CADM1: variants seen among roughly 807,000 people sequenced by gnomAD.
CADM1 encodes the protein cell adhesion molecule 1, also known as TSLC-1.
A neutral mutation model predicts 53.1 loss-of-function variants in CADM1; 15 were observed. The observed-to-expected ratio is 0.28, with a 90% CI of 0.19 to 0.44. The LOEUF (loss-of-function observed/expected upper bound fraction) is 0.44. CADM1 is among the 20% of genes least tolerant of loss of function. CADM1 has a pLI of 1.00. For missense variants in CADM1, 434 were observed against 611.3 expected, an observed-to-expected ratio of 0.71 and a Z score of 3.06; for synonymous variants, 281 against 243.0, an observed-to-expected ratio of 1.16 and a Z score of -1.45.
At chr11:115,191,463 A>C (rs1171373813) in intron 9 of CADM1, among the ~76,000 whole-genome samples, 1 of 152,236 alleles carries the variant, frequency 6.6e-6, no homozygotes, top group Non-Finnish European at 1.5e-5. Flanking sequence ...CTTCATCAGA[A>C]AATCTGATTC....
chr11:115,466,852 C>T (rs529182422), intron 1 of CADM1, among the ~76,000 whole-genome samples: 5 of 152,076 alleles, frequency 3.3e-5, no homozygotes, highest in Non-Finnish European at 7.4e-5. Flanking sequence ...TCAATTGAAT[C>T]GTAGGTCTCA....
chr11:115,455,419 A>G (rs1471054490), intron 1 of CADM1, among the ~76,000 whole-genome samples: 3 of 148,642 alleles, frequency 2.0e-5, no homozygotes, highest in Non-Finnish European at 4.5e-5. Flanking sequence ...ATATATATAG[A>G]GAGAGAGAGA....
chr11:115,337,360 C>T (rs964583992), intron 1 of CADM1, among the ~76,000 whole-genome samples: 2 of 152,120 alleles, frequency 1.3e-5, no homozygotes, highest in Non-Finnish European at 2.9e-5. Flanking sequence ...GTCTTCCAAA[C>T]TTACCAACTT....
At chr11:115,372,974 C>T (rs1289987930) in intron 1 of CADM1, among the ~76,000 whole-genome samples, 1 of 152,106 alleles carries the variant, frequency 6.6e-6, no homozygotes, top group African/African-American at 2.4e-5. Flanking sequence ...AACATTTCTG[C>T]CTAAGAGGAA....
At chr11:115,209,484 A>G (rs552706789) in intron 8 of CADM1, 90 bp downstream of exon 8, 25 of 1,582,230 alleles carry the variant, frequency 1.6e-5, no homozygotes, top group Admixed American at 5.1e-5. Flanking sequence ...AATTCCAAGG[A>G]TTTAAAGGGA....
chr11:115,372,186 T>C (rs1946325465), intron 1 of CADM1, among the ~76,000 whole-genome samples: 1 of 152,244 alleles, frequency 6.6e-6, no homozygotes, highest in South Asian at 2.1e-4. Context: ...TGCAAATTCA[T>C]GTGCTTTCTT....
intron 3 of CADM1, among the ~76,000 whole-genome samples, chr11:115,234,893 C>CCAA (rs1491516911): frequency 1.3e-4 from 10 of 75,398 alleles, no homozygotes; most frequent in African/African-American, 5.3e-4. Context: ...ACTCCGTCTC[C>CCAA]AAAAAAAAAA....
intron 1 of CADM1, among the ~76,000 whole-genome samples, chr11:115,500,899 G>C (rs1007356492): frequency 5.3e-5 from 8 of 152,184 alleles, no homozygotes; most frequent in African/African-American, 1.9e-4. Flanking sequence ...AGAATATGAA[G>C]TCAGGAAGTG....
chr11:115,451,438 T>C (rs972145063), intron 1 of CADM1, among the ~76,000 whole-genome samples: 3 of 152,214 alleles, frequency 2.0e-5, no homozygotes, highest in Non-Finnish European at 4.4e-5. Flanking sequence ...TTTCCCCTTC[T>C]TGATTATCCT....
intron 1 of CADM1, among the ~76,000 whole-genome samples, chr11:115,321,436 C>G (rs1944822671): frequency 6.6e-6 from 1 of 152,136 alleles, no homozygotes; most frequent in Admixed American, 6.6e-5. Context: ...AACCTGACAT[C>G]AATTCAGTAT....
At chr11:115,256,994 G>T (rs752277216) in intron 1 of CADM1, 8 of 422,956 alleles carry the variant, frequency 1.9e-5, no homozygotes, top group South Asian at 1.3e-4. Flanking sequence ...TTTAGAGTGT[G>T]AATTACGTAC....
intron 11 of CADM1, among the ~76,000 whole-genome samples, 198 bp downstream of exon 11, chr11:115,178,446 A>G (rs1049731676): frequency 6.6e-6 from 1 of 151,916 alleles, no homozygotes; most frequent in Admixed American, 6.6e-5. Context: ...ATCAACTCCC[A>G]GAGTCCTAAT....
rs544966461 is a variant in CADM1 at position 115,278,981 on chromosome 11, A to G, written c.125-38561T>C. On this transcript the variant is annotated intron_variant, in intron 1 of 11. Coordinates refer to ENST00000331581, the MANE Select transcript of CADM1 (RefSeq NM_001301043.2). ...AGGACGTGGGCAGGGAAAAGTAGATAATGTGTTCCACTAGCTGGATGGTGT... is the reference window on the plus strand; with the variant it reads ...AGGACGTGGGCAGGGAAAAGTAGATGATGTGTTCCACTAGCTGGATGGTGT... Among the ~76,000 whole-genome samples the G allele has an allele frequency of 9.1e-4, 138 of 152,254 alleles. 3 individuals carry two copies. In the South Asian group the frequency reaches 0.028, roughly 31 times the overall value.
chr11:115,231,861 C>T (rs1941826790), intron 3 of CADM1, among the ~76,000 whole-genome samples: 1 of 152,118 alleles, frequency 6.6e-6, no homozygotes. Flanking sequence ...CGGCACATGC[C>T]TGTAATCCCA....
intron 1 of CADM1, among the ~76,000 whole-genome samples, chr11:115,327,537 A>AC: frequency 6.6e-6 from 1 of 152,108 alleles, no homozygotes; most frequent in African/African-American, 2.4e-5. Context: ...TTTTAACTTA[A>AC]TTAAAATGGC....
intron 1 of CADM1, among the ~76,000 whole-genome samples, chr11:115,287,817 G>A (rs881210): frequency 1.3e-5 from 2 of 152,024 alleles, no homozygotes; most frequent in African/African-American, 2.4e-5. Flanking sequence ...TTACTGAGAC[G>A]TACTACATGC....
chr11:115,198,083 G>A (rs987994827), intron 9 of CADM1, among the ~76,000 whole-genome samples: 1 of 152,076 alleles, frequency 6.6e-6, no homozygotes, highest in Non-Finnish European at 1.5e-5. Flanking sequence ...ATTTTCCTGC[G>A]AATACTCGTT....
At chr11:115,193,244 G>A (rs1274338548) in intron 9 of CADM1, among the ~76,000 whole-genome samples, 1 of 152,160 alleles carries the variant, frequency 6.6e-6, no homozygotes, top group East Asian at 1.9e-4. Context: ...TACTTCTTGT[G>A]TATTCTCTTG....
At chr11:115,344,122 G>T (rs751376460) in intron 1 of CADM1, among the ~76,000 whole-genome samples, 2 of 151,992 alleles carry the variant, frequency 1.3e-5, no homozygotes, top group Admixed American at 6.6e-5. Context: ...TGTGACTCAA[G>T]ATGTAAAAAT....
Sources: gnomAD v4.1 joint callset for allele counts (sites outside exome capture counted in the v4.1 genomes callset) on GRCh38, gnomAD v4.1.1 for gene constraint, MANE v1.5 for transcripts, NCBI Gene and HGNC (gene_info 2026-07-23, HGNC 2026-07-21) for gene names.